Variants in COL5A2 observed in about 807,000 individuals in gnomAD.
The protein encoded by COL5A2 is collagen type V alpha 2 chain.
COL5A2 carries 23 observed loss-of-function variants against 208.2 expected under a neutral mutation model. That is an observed-to-expected ratio of 0.11 (90% CI 0.08 to 0.16). The LOEUF (loss-of-function observed/expected upper bound fraction) is 0.16. Ranked by LOEUF, COL5A2 falls within the 10% of genes least tolerant of loss-of-function variation. The pLI is 1.00. For missense variants in COL5A2, 1,590 were observed against 1,956.4 expected (o/e 0.81, Z 3.53); for synonymous variants, 625 against 628.5 (o/e 0.99, Z 0.08).
chr2:189,194,587 C>T (rs997728905), intron 1 of COL5A2, among the ~76,000 whole-genome samples: 16 of 152,038 alleles, frequency 1.1e-4, no homozygotes, highest in African/African-American at 3.1e-4. Flanking sequence ...TTAATTTAGC[C>T]ACTTCCCAGT....
intron 17 of COL5A2, among the ~76,000 whole-genome samples, chr2:189,073,409 C>T (rs1034760442): frequency 3.9e-5 from 6 of 152,088 alleles, no homozygotes; most frequent in Non-Finnish European, 7.4e-5. Flanking sequence ...TATTACAAAA[C>T]ACCACTTCTT....
chr2:189,213,462 C>T (rs912899710), intron 1 of COL5A2, among the ~76,000 whole-genome samples: 1 of 152,104 alleles, frequency 6.6e-6, no homozygotes, highest in African/African-American at 2.4e-5. Flanking sequence ...GAAGAAAGAA[C>T]ACATCAGCTG....
At chr2:189,057,558 T>C in intron 33 of COL5A2, 131 bp from the exon 34 acceptor site, 2 of 701,906 alleles carry the variant, frequency 2.8e-6, no homozygotes, top group South Asian at 3.2e-5. Context: ...ATTTTTCATC[T>C]GAGAAAGTTG....
At chr2:189,440,556 C>G in the COL5A2 span, among the ~76,000 whole-genome samples, 1 of 152,178 alleles carries the variant, frequency 6.6e-6, no homozygotes, top group Non-Finnish European at 1.5e-5. Flanking sequence ...ATTGAAAGAT[C>G]CTTATGTGAC....
At chr2:189,109,763 A>C (rs552524823) in intron 2 of COL5A2, among the ~76,000 whole-genome samples, 10 of 152,358 alleles carry the variant, frequency 6.6e-5, no homozygotes, top group Non-Finnish European at 8.8e-5. Context: ...TCTGCATTTA[A>C]GAGCCAATGT....
intron 1 of COL5A2, among the ~76,000 whole-genome samples, chr2:189,116,713 A>C (rs1236673977): frequency 2.6e-5 from 4 of 152,140 alleles, no homozygotes; most frequent in African/African-American, 9.7e-5. Flanking sequence ...ATAGTTATCC[A>C]AATTATTACT....
the COL5A2 span, among the ~76,000 whole-genome samples, chr2:189,412,420 A>G: frequency 1.3e-5 from 2 of 152,206 alleles, no homozygotes; most frequent in Non-Finnish European, 2.9e-5. Flanking sequence ...TCATTCTATA[A>G]CATTCCACTA....
the COL5A2 span, among the ~76,000 whole-genome samples, chr2:189,348,513 T>A: frequency 6.6e-6 from 1 of 152,196 alleles, no homozygotes; most frequent in African/African-American, 2.4e-5. Context: ...TTTCAGCTGA[T>A]GGAGAACTGA....
the COL5A2 span, among the ~76,000 whole-genome samples, chr2:189,381,750 A>C: frequency 6.6e-6 from 1 of 152,074 alleles, no homozygotes; most frequent in Admixed American, 6.6e-5. Flanking sequence ...TAAAAAGTGA[A>C]ATAAAATTGT....
At chr2:189,306,365 A>C in the COL5A2 span, among the ~76,000 whole-genome samples, 3 of 152,114 alleles carry the variant, frequency 2.0e-5, no homozygotes, top group African/African-American at 2.4e-5. Context: ...CTGTCTATTA[A>C]ATCCTATTTT....
intron 7 of COL5A2, among the ~76,000 whole-genome samples, chr2:189,089,183 C>T (rs1461891766): frequency 6.6e-6 from 1 of 152,170 alleles, no homozygotes; most frequent in Non-Finnish European, 1.5e-5. Flanking sequence ...CCTAAAGATT[C>T]CAGATTCCAT....
chr2:189,059,584 G>GTTTTTT (rs1559083852), intron 31 of COL5A2, among the ~76,000 whole-genome samples: 3 of 21,234 alleles, frequency 1.4e-4, no homozygotes, highest in African/African-American at 1.8e-4. Context: ...TTTCTTTTCT[G>GTTTTTT]GTTTTTTTTT....
chr2:189,431,096 C>T, the COL5A2 span, among the ~76,000 whole-genome samples: 1 of 152,158 alleles, frequency 6.6e-6, no homozygotes. Flanking sequence ...AGACCTGCAG[C>T]TGAGGTACCT....
intron 50 of COL5A2, among the ~76,000 whole-genome samples, chr2:189,041,236 T>C (rs1685554296): frequency 6.6e-6 from 1 of 152,224 alleles, no homozygotes; most frequent in Non-Finnish European, 1.5e-5. Flanking sequence ...AGCATTTCTA[T>C]GGAGTTTTCA....
At chr2:189,359,334 T>C in the COL5A2 span, among the ~76,000 whole-genome samples, 1 of 152,162 alleles carries the variant, frequency 6.6e-6, no homozygotes. Flanking sequence ...AGATGATTGT[T>C]TGATTTTTGT....
At chr2:189,061,757 T>C in intron 29 of COL5A2, 142 bp from the exon 30 acceptor site, 1 of 688,390 alleles carries the variant, frequency 1.5e-6, no homozygotes, top group Non-Finnish European at 2.6e-6. Flanking sequence ...AATAAACTAG[T>C]ATTAATAGTA....
Position 189,049,467 on chromosome 2 carries a change from T to C in COL5A2, c.3040-13A>G. 1 of 1,597,274 alleles carries C rather than the reference T, an allele frequency of 6.3e-7. No homozygotes were observed. The highest frequency in any genetic ancestry group is 8.6e-7 in the Non-Finnish European group (1 of 1,166,420). On this transcript the variant is annotated splice_polypyrimidine_tract_variant and intron_variant, in intron 43 of 53. Coordinates refer to ENST00000374866, the MANE Select transcript of COL5A2 (RefSeq NM_000393.5). The stretch of plus-strand genomic sequence containing the variant: ...TTCCTGGTGTTCCCTGAAATAGAAG[T>C]ATAAATGTCAAACACTTGTGAAGAA...
chr2:189,219,984 G>C (rs1689327215), intron 1 of COL5A2, among the ~76,000 whole-genome samples: 1 of 152,092 alleles, frequency 6.6e-6, no homozygotes, highest in Non-Finnish European at 1.5e-5. Context: ...TGTGCACTAA[G>C]CCATAAAATT....
intron 45 of COL5A2, 90 bp from the exon 46 acceptor site, chr2:189,045,997 A>C: frequency 9.4e-7 from 1 of 1,063,366 alleles, no homozygotes. Context: ...AGTATTAATA[A>C]TGGGAAAAAA....
Sources: gnomAD v4.1 joint callset for allele counts (sites outside exome capture counted in the v4.1 genomes callset) on GRCh38, gnomAD v4.1.1 for gene constraint, MANE v1.5 for transcripts, NCBI Gene and HGNC (gene_info 2026-07-23, HGNC 2026-07-21) for gene names.